Variants in NFATC2 observed in about 807,000 individuals in gnomAD.
NFATC2 encodes the protein nuclear factor of activated T-cells, cytoplasmic 2.
Under a neutral mutation model 87.3 loss-of-function variants are expected in NFATC2, and 22 were observed. The ratio of observed to expected loss-of-function variants is 0.25; its 90% CI spans 0.18 to 0.36. NFATC2 has a LOEUF of 0.36. NFATC2 is among the 10% of genes least tolerant of loss of function. The probability of loss-of-function intolerance (pLI) is 1.00; values close to 1 mark genes in which losing one functional copy is unlikely to be tolerated. For missense variants in NFATC2, 1,149 were observed against 1,259.1 expected, an observed-to-expected ratio of 0.91 and a Z score of 1.32; for synonymous variants, 565 against 542.2, an observed-to-expected ratio of 1.04 and a Z score of -0.58.
At chr20:51,535,430 A>C (rs1600979688) in intron 1 of NFATC2, among the ~76,000 whole-genome samples, 1 of 152,360 alleles carries the variant, frequency 6.6e-6, no homozygotes, top group South Asian at 2.1e-4. Flanking sequence ...CCCCTTGAAG[A>C]CAGTGGGGCC....
intron 2 of NFATC2, among the ~76,000 whole-genome samples, chr20:51,522,605 G>T (rs1371309735): frequency 6.8e-6 from 1 of 146,714 alleles, no homozygotes; most frequent in Non-Finnish European, 1.5e-5. Context: ...CCATATAACT[G>T]CGGCACACAG....
intron 9 of NFATC2, among the ~76,000 whole-genome samples, chr20:51,401,125 G>GGGAGGCCGAAGTGGTAATCCCAGAACT (rs1568930084): frequency 1.3e-5 from 2 of 152,106 alleles, no homozygotes; most frequent in African/African-American, 4.8e-5. Context: ...ATCCCAGAAC[G>GGGAGGCCGAAGTGGTAATCCCAGAACT]TTGGGAGGCC....
intron 9 of NFATC2, among the ~76,000 whole-genome samples, chr20:51,409,686 C>T (rs754951822): frequency 6.6e-6 from 1 of 152,178 alleles, no homozygotes; most frequent in Non-Finnish European, 1.5e-5. Context: ...TGACTGACAA[C>T]TTACAGGAAA....
intron 1 of NFATC2, among the ~76,000 whole-genome samples, chr20:51,541,511 C>T (rs530467508): frequency 2.0e-5 from 3 of 152,284 alleles, no homozygotes; most frequent in South Asian, 2.1e-4. Context: ...AAGCATTGGG[C>T]CCAGCCCGGG....
intron 3 of NFATC2, among the ~76,000 whole-genome samples, chr20:51,484,860 G>A (rs2146554895): frequency 6.6e-6 from 1 of 152,356 alleles, no homozygotes; most frequent in Non-Finnish European, 1.5e-5. Context: ...CTGGCTGGAT[G>A]TGTCTTCAGT....
intron 3 of NFATC2, among the ~76,000 whole-genome samples, chr20:51,486,665 T>C (rs975048250): frequency 7.0e-6 from 1 of 143,442 alleles, no homozygotes; most frequent in Admixed American, 7.7e-5. Flanking sequence ...TGGCATACAG[T>C]AGATGTTCAA....
intron 3 of NFATC2, among the ~76,000 whole-genome samples, chr20:51,506,679 C>T (rs2076187446): frequency 6.6e-6 from 1 of 152,202 alleles, no homozygotes; most frequent in Admixed American, 6.5e-5. Flanking sequence ...GGCAGCAGGG[C>T]CAGCTGGTGA....
chr20:51,492,419 G>A (rs983601147), intron 3 of NFATC2, among the ~76,000 whole-genome samples: 1 of 152,224 alleles, frequency 6.6e-6, no homozygotes, highest in East Asian at 1.9e-4. Flanking sequence ...AGAAGTGGGC[G>A]CCTGCTGCGC....
chr20:51,500,123 A>C (rs2076054033), intron 3 of NFATC2, among the ~76,000 whole-genome samples: 1 of 152,170 alleles, frequency 6.6e-6, no homozygotes, highest in Admixed American at 6.5e-5. Flanking sequence ...TGAATGAGAC[A>C]ACTTTAGTTT....
chr20:51,502,430 T>C (rs1018491390), intron 3 of NFATC2, among the ~76,000 whole-genome samples: 1 of 152,182 alleles, frequency 6.6e-6, no homozygotes, highest in Admixed American at 6.5e-5. Flanking sequence ...GTTCAAGGAA[T>C]CCTTCTACTG....
At chr20:51,431,512 A>G (rs1460807624) in intron 9 of NFATC2, among the ~76,000 whole-genome samples, 1 of 152,040 alleles carries the variant, frequency 6.6e-6, no homozygotes, top group Non-Finnish European at 1.5e-5. Context: ...CCTTCCCATC[A>G]ATGCGCATCT....
chr20:51,497,192 C>T (rs1240525342), intron 3 of NFATC2, among the ~76,000 whole-genome samples: 9 of 152,194 alleles, frequency 5.9e-5, no homozygotes, highest in Admixed American at 5.2e-4. Flanking sequence ...AGGCACCCTC[C>T]GAGGCTCTGT....
intron 9 of NFATC2, among the ~76,000 whole-genome samples, chr20:51,411,774 T>C (rs907250192): frequency 1.3e-5 from 2 of 152,124 alleles, no homozygotes; most frequent in Non-Finnish European, 2.9e-5. Flanking sequence ...GTGATCCACC[T>C]GCCTTGGCCT....
intron 1 of NFATC2, among the ~76,000 whole-genome samples, chr20:51,527,054 G>A (rs775264322): frequency 7.9e-5 from 12 of 151,720 alleles, no homozygotes; most frequent in South Asian, 4.2e-4. Flanking sequence ...GCACACCACC[G>A]GGCTCAGCTA....
chr20:51,489,789 A>ATTC (rs2075851610), intron 3 of NFATC2, among the ~76,000 whole-genome samples: 1 of 152,246 alleles, frequency 6.6e-6, no homozygotes, highest in Non-Finnish European at 1.5e-5. Flanking sequence ...ATACCAAGTA[A>ATTC]TGACACCCAA....
At chr20:51,507,488 C>T (rs913745257) in intron 3 of NFATC2, among the ~76,000 whole-genome samples, 7 of 152,162 alleles carry the variant, frequency 4.6e-5, no homozygotes, top group Admixed American at 6.5e-5. Context: ...TCTCTCTCAA[C>T]GAAAGAACAA....
At chr20:51,414,619 G>A (rs1979774693) in intron 9 of NFATC2, among the ~76,000 whole-genome samples, 1 of 152,086 alleles carries the variant, frequency 6.6e-6, no homozygotes, top group Non-Finnish European at 1.5e-5. Flanking sequence ...AACCCAGGAG[G>A]CAGAGGTTGC....
intron 9 of NFATC2, among the ~76,000 whole-genome samples, chr20:51,423,901 G>T (rs1270377062): frequency 1.3e-5 from 2 of 152,190 alleles, no homozygotes; most frequent in African/African-American, 4.8e-5. Flanking sequence ...TTGCTTTGCA[G>T]AATTTCAAAA....
At chr20:51,475,982 A>G (rs1309194915) in intron 3 of NFATC2, among the ~76,000 whole-genome samples, 1 of 152,140 alleles carries the variant, frequency 6.6e-6, no homozygotes, top group East Asian at 1.9e-4. Context: ...AGTAGTGAGG[A>G]TAACTGAAAT....
Sources: gnomAD v4.1 joint callset for allele counts (sites outside exome capture counted in the v4.1 genomes callset) on GRCh38, gnomAD v4.1.1 for gene constraint, MANE v1.5 for transcripts, NCBI Gene and HGNC (gene_info 2026-07-23, HGNC 2026-07-21) for gene names.